Variants in BUD13 observed in about 807,000 individuals in gnomAD.
BUD13 encodes BUD13 homolog.
BUD13 carries 47 observed loss-of-function variants against 62.5 expected under a neutral mutation model. The observed-to-expected ratio is 0.75, with a 90% CI of 0.60 to 0.96. The LOEUF (loss-of-function observed/expected upper bound fraction) is 0.96, where lower values mean the gene tolerates loss of function less well. Ranked by LOEUF, BUD13 falls within the 40% of genes least tolerant of loss-of-function variation. The pLI is 0.00. For missense variants in BUD13, 821 were observed against 790.9 expected, an observed-to-expected ratio of 1.04 and a Z score of -0.46; for synonymous variants, 293 against 280.1, an observed-to-expected ratio of 1.05 and a Z score of -0.46.
At chr11:116,749,881 G>A (rs1173793919) in intron 9 of BUD13, among the ~76,000 whole-genome samples, 1 of 152,182 alleles carries the variant, frequency 6.6e-6, no homozygotes, top group African/African-American at 2.4e-5. Context: ...AAATTAGTAA[G>A]ACTAATTAGC....
intron 1 of BUD13, among the ~76,000 whole-genome samples, chr11:116,770,712 T>C (rs892651686): frequency 6.6e-6 from 1 of 152,132 alleles, no homozygotes; most frequent in Non-Finnish European, 1.5e-5. Flanking sequence ...GTCAGGATGG[T>C]CTCGATCTCC....
chr11:116,767,162 T>C (rs1379347971), intron 2 of BUD13, among the ~76,000 whole-genome samples: 1 of 151,216 alleles, frequency 6.6e-6, no homozygotes, highest in Non-Finnish European at 1.5e-5. Context: ...CACTCCAGCG[T>C]TGGTGACAGT....
intron 4 of BUD13, 34 bp downstream of exon 4, chr11:116,762,519 C>T (rs754750012): frequency 6.8e-7 from 1 of 1,475,244 alleles, no homozygotes; most frequent in Non-Finnish European, 9.2e-7. Context: ...CCCAGGGATA[C>T]ATACATCCCT....
At chr11:116,756,206 G>C (rs915487183) in intron 9 of BUD13, among the ~76,000 whole-genome samples, 1 of 151,534 alleles carries the variant, frequency 6.6e-6, no homozygotes, top group South Asian at 2.1e-4. Flanking sequence ...AAAAATAAGA[G>C]TGGTTGGGCA....
intron 2 of BUD13, among the ~76,000 whole-genome samples, chr11:116,768,125 G>A (rs1019213286): frequency 6.6e-6 from 1 of 151,862 alleles, no homozygotes; most frequent in Non-Finnish European, 1.5e-5. Context: ...TAACTAAAGC[G>A]AACCATACCC....
At chr11:116,750,346 G>A (rs763139711) in intron 9 of BUD13, among the ~76,000 whole-genome samples, 40 of 152,178 alleles carry the variant, frequency 2.6e-4, no homozygotes, top group Non-Finnish European at 4.9e-4. Context: ...TAATTACCAT[G>A]CATTCTCTTG....
rs1250862662 is a variant in BUD13, at chr11:116,770,001, G to A, written c.237+128C>T. On this transcript the variant is annotated intron_variant, in intron 2 of 9. Transcript: ENST00000260210. Reference sequence around the variant, plus strand: ...GAACCCGGGAGGCGGAGGTTGCAGTGAGCCAAGATCATGCCATTGCACTCC... The same window carrying A: ...GAACCCGGGAGGCGGAGGTTGCAGTAAGCCAAGATCATGCCATTGCACTCC... 1.3e-5 allele frequency: 8 copies of A among 632,330 alleles called. No individual in the cohort carries two copies. The African/African-American group carries it at 1.4e-4, about 11-fold the overall frequency. The allele number at this position is 632,330 out of a possible 1,614,324, so 39.2% of individuals were successfully genotyped here.
chr11:116,771,292 C>T (rs891055735), intron 1 of BUD13, among the ~76,000 whole-genome samples: 24 of 152,068 alleles, frequency 1.6e-4, no homozygotes, highest in Admixed American at 1.3e-4. Flanking sequence ...GCCTGTATTC[C>T]CATTAATCTA....
At chr11:116,770,622 G>T (rs1940610636) in intron 1 of BUD13, among the ~76,000 whole-genome samples, 2 of 151,894 alleles carry the variant, frequency 1.3e-5, no homozygotes, top group Non-Finnish European at 2.9e-5. Flanking sequence ...AGCCTCCTGA[G>T]TAGCTGGGAC....
intron 1 of BUD13, 146 bp from the exon 2 acceptor site, chr11:116,770,368 T>A: frequency 1.6e-6 from 1 of 615,916 alleles, no homozygotes; most frequent in Non-Finnish European, 2.7e-6. Flanking sequence ...CATCTCCTAC[T>A]GCTACTTCCT....
chr11:116,763,581 A>C (rs116877083), intron 3 of BUD13, among the ~76,000 whole-genome samples: 7,535 of 152,226 alleles, frequency 0.049, 264 homozygotes, highest in Admixed American at 0.1. Context: ...CTCTGTTTTC[A>C]GCTGAGGAGC....
At chr11:116,757,022 C>T in intron 9 of BUD13, 124 bp downstream of exon 9, 1 of 849,930 alleles carries the variant, frequency 1.2e-6, no homozygotes, top group Non-Finnish European at 1.9e-6. Context: ...GAAAAAGAAG[C>T]AAGCAAAGTG....
chr11:116,762,496 C>T lies in BUD13; in HGVS notation c.1036+57G>A, dbSNP rs554374146. The T allele has an allele frequency of 5.9e-5, 82 of 1,400,346 alleles. No homozygotes were observed. In the East Asian group the frequency reaches 1.9e-3, roughly 32 times the overall value. The allele number at this position is 1,400,346 out of a possible 1,614,324, so 86.7% of individuals were successfully genotyped here. Reference sequence around the variant, plus strand: ...TATACCTAATAAATCAACTAAACGGCCAAAAGAAAGCTCCCAGGGATACAT... The same window carrying T: ...TATACCTAATAAATCAACTAAACGGTCAAAAGAAAGCTCCCAGGGATACAT... On this transcript the variant is annotated intron_variant, in intron 4 of 9. Transcript: ENST00000260210.
At chr11:116,771,480 A>G (rs535998749) in intron 1 of BUD13, among the ~76,000 whole-genome samples, 1 of 152,364 alleles carries the variant, frequency 6.6e-6, no homozygotes, top group South Asian at 2.1e-4. Context: ...AGCCAGGGTC[A>G]CTTAATGCAA....
At chr11:116,770,090 G>A (rs1246632030) in intron 2 of BUD13, 39 bp downstream of exon 2, 1 of 1,392,850 alleles carries the variant, frequency 7.2e-7, no homozygotes, top group South Asian at 1.2e-5. Context: ...TGAGAAGCTT[G>A]CTTCATTTCA....
rs1940413838 is a variant in BUD13 at position 116,760,730 on chromosome 11, C to T, written c.1254+5G>A. 1 of 1,613,946 alleles carries T rather than the reference C, an allele frequency of 6.2e-7. No individual in the cohort carries two copies. ...AAGAAGGACATGGCTCCTGAAAATC[C>T]TGACCTTCTTTCCAGGAGGCTGACT... On this transcript the variant is annotated splice_donor_5th_base_variant and intron_variant, in intron 5 of 9. Coordinates refer to ENST00000260210, the MANE Select transcript of BUD13 (RefSeq NM_032725.4).
intron 9 of BUD13, among the ~76,000 whole-genome samples, chr11:116,751,914 A>C (rs1398178351): frequency 1.3e-5 from 2 of 152,022 alleles, no homozygotes; most frequent in Non-Finnish European, 2.9e-5. Flanking sequence ...AAATTGCATG[A>C]CTCTAGGCAA....
intron 2 of BUD13, among the ~76,000 whole-genome samples, chr11:116,766,830 G>C (rs1460886644): frequency 2.6e-5 from 4 of 152,336 alleles, no homozygotes; most frequent in South Asian, 2.1e-4. Flanking sequence ...CCAATGCAGA[G>C]AGCAGTGGCA....
chr11:116,758,939 A>C (rs945995861), intron 6 of BUD13, 135 bp downstream of exon 6: 23 of 674,318 alleles, frequency 3.4e-5, no homozygotes, highest in Admixed American at 2.3e-4. Flanking sequence ...TTCACTGAGA[A>C]ATTACAACAA....
Sources: gnomAD v4.1 joint callset for allele counts (sites outside exome capture counted in the v4.1 genomes callset) on GRCh38, gnomAD v4.1.1 for gene constraint, MANE v1.5 for transcripts, NCBI Gene and HGNC (gene_info 2026-07-23, HGNC 2026-07-21) for gene names.